MTRR: variants seen among roughly 807,000 people sequenced by gnomAD.
MTRR encodes 5-methyltetrahydrofolate-homocysteine methyltransferase reductase, also known as methionine synthase reductase.
A neutral mutation model predicts 79.2 loss-of-function variants in MTRR; 63 were observed. The ratio of observed to expected loss-of-function variants is 0.80; its 90% CI spans 0.65 to 0.98. MTRR has a LOEUF of 0.98. MTRR is among the 50% of genes least tolerant of loss of function. The pLI, the probability that MTRR is intolerant of heterozygous loss-of-function variation, is 0.00. For missense variants in MTRR, 895 were observed against 839.6 expected (o/e 1.07, Z -0.82); for synonymous variants, 355 against 313.3 (o/e 1.13, Z -1.41).
upstream of MTRR, among the ~76,000 whole-genome samples, chr5:7,866,428 G>A (rs1746954046): frequency 6.6e-6 from 1 of 152,040 alleles, no homozygotes; most frequent in South Asian, 2.1e-4. Flanking sequence ...CTCAGATAAG[G>A]CAAAAGTCAG....
chr5:7,896,125 T>C (rs1165708881), intron 12 of MTRR, among the ~76,000 whole-genome samples: 2 of 152,216 alleles, frequency 1.3e-5, no homozygotes, highest in Non-Finnish European at 2.9e-5. Context: ...GGACAAATAT[T>C]GGGCATACCT....
At chr5:7,878,754 T>C (rs1735009207) in intron 5 of MTRR, among the ~76,000 whole-genome samples, 1 of 152,242 alleles carries the variant, frequency 6.6e-6, no homozygotes, top group Non-Finnish European at 1.5e-5. Context: ...GGGCAGTGAG[T>C]TGAGTATCAC....
chr5:7,898,434 CT>C (rs34411979), intron 14 of MTRR, among the ~76,000 whole-genome samples: 137,983 of 152,190 alleles, frequency 0.91, 62,862 homozygotes, highest in African/African-American at 0.98. Context: ...TGGTGCTTTA[CT>C]TTGTCACATT....
intron 2 of MTRR, among the ~76,000 whole-genome samples, chr5:7,862,533 T>G (rs760870354): frequency 2.0e-5 from 3 of 152,134 alleles, no homozygotes; most frequent in Admixed American, 1.3e-4. Context: ...ATTTAGACCT[T>G]AAGTAAGTCT....
upstream of MTRR, chr5:7,867,478 T>C (rs781232084): frequency 6.2e-7 from 1 of 1,614,240 alleles, no homozygotes; most frequent in Admixed American, 1.7e-5. Context: ...TTTGGCATTC[T>C]GCCACCAGGT....
chr5:7,893,053 G>C, intron 11 of MTRR, 140 bp downstream of exon 11: 1 of 1,003,732 alleles, frequency 1.0e-6, no homozygotes, highest in Non-Finnish European at 1.5e-6. Flanking sequence ...AATCTCTATT[G>C]CAAGAGCAGA....
At chr5:7,883,555 ACATATGCTGAGTTGTGTGGTGCTTG>A (rs1735937520) in intron 6 of MTRR, among the ~76,000 whole-genome samples, 1 of 151,096 alleles carries the variant, frequency 6.6e-6, no homozygotes, top group African/African-American at 2.4e-5. Flanking sequence ...GTGCTTGGTT[ACATATGCTGAGTTGTGTGGTGCTTG>A]GTTATGTATG....
chr5:7,896,803 A>C, intron 12 of MTRR, 61 bp from the exon 13 acceptor site: 1 of 1,317,546 alleles, frequency 7.6e-7, no homozygotes, highest in South Asian at 1.2e-5. Flanking sequence ...TTCCTAATGA[A>C]AGAGATTGGT....
upstream of MTRR, chr5:7,867,884 G>A (rs753721111): frequency 2.5e-6 from 4 of 1,613,960 alleles, no homozygotes; most frequent in South Asian, 4.4e-5. Flanking sequence ...TCCATTTTTC[G>A]AATGAAACTT....
chr5:7,893,103 A>C (rs1319133882), intron 11 of MTRR, 190 bp downstream of exon 11: 1 of 653,338 alleles, frequency 1.5e-6, no homozygotes, highest in Non-Finnish European at 2.6e-6. Context: ...TAGTGTGTGT[A>C]TTTTCTGAAT....
In MTRR at chr5:7,862,819, T is replaced by G. The variant is rs201960576; in HGVS notation, n.498+762T>G. On this transcript the variant is annotated intron_variant and non_coding_transcript_variant, in intron 2 of 3. Transcript: ENST00000502509. ...AAAACAACAAAACTCCTTATACTAC[T>G]TACCTATTGTATAACAATAGGGTGT... 1.9e-6 allele frequency: 3 copies of G among 1,605,408 alleles called. No individual in the cohort carries two copies. Among genetic ancestry groups the G allele is most frequent in the African/African-American group, 1.3e-5 (1 of 74,562 alleles).
intron 1 of MTRR, chr5:7,861,549 C>A: frequency 1.3e-6 from 2 of 1,488,048 alleles, no homozygotes; most frequent in South Asian, 1.4e-5. Context: ...CTCAACGAGT[C>A]TTGTAATGTG....
At chr5:7,885,615 T>G in intron 6 of MTRR, 86 bp from the exon 7 acceptor site, 3 of 1,283,448 alleles carry the variant, frequency 2.3e-6, no homozygotes, top group South Asian at 1.3e-5. Context: ...ATCATAATAT[T>G]GAAAACTATA....
intron 2 of MTRR, among the ~76,000 whole-genome samples, chr5:7,872,643 C>T (rs1748182852): frequency 6.6e-6 from 1 of 152,174 alleles, no homozygotes; most frequent in Non-Finnish European, 1.5e-5. Context: ...GCCTTAGTGT[C>T]ACATGCAGTA....
In MTRR at chr5:7,899,921, A is replaced by G; in HGVS notation, c.1960A>G (p.Lys654Glu). ...NGHIYVCGDA[K>E]NMAKDVHDAL... ...TATTATTTTCTTTTCTAGAGATGCA[A>G]AGAATATGGCCAAGGATGTACATGA... is the stretch of plus-strand genomic sequence containing the variant. The change falls in exon 15 of 15, where the codon AAG becomes GAG. Residue 654 changes from lysine (K) to glutamate (E), a missense_variant. Transcript: ENST00000440940. The G allele has an allele frequency of 6.2e-7, 1 of 1,614,196 alleles. No individual in the cohort carries two copies. Among genetic ancestry groups the G allele is most frequent in the Non-Finnish European group, 8.5e-7 (1 of 1,180,030 alleles).
At chr5:7,880,047 T>A (rs541583383) in intron 5 of MTRR, among the ~76,000 whole-genome samples, 17 of 152,356 alleles carry the variant, frequency 1.1e-4, no homozygotes, top group East Asian at 7.7e-4. Context: ...TGCACTAGTG[T>A]GGCCTTCACT....
intron 7 of MTRR, 36 bp downstream of exon 7, chr5:7,885,890 G>A (rs1477438826): frequency 6.2e-7 from 1 of 1,613,700 alleles, no homozygotes; most frequent in Non-Finnish European, 8.5e-7. Context: ...GGGGTGTTGT[G>A]GGCCAGTGGA....
At chr5:7,890,921 A>G (rs1398328451) in intron 9 of MTRR, among the ~76,000 whole-genome samples, 1 of 152,078 alleles carries the variant, frequency 6.6e-6, no homozygotes, top group Admixed American at 6.5e-5. Flanking sequence ...AAGCATTTTC[A>G]GTAATTCTTG....
chr5:7,856,259 C>T (rs1746244567), intron 1 of MTRR, among the ~76,000 whole-genome samples: 1 of 152,180 alleles, frequency 6.6e-6, no homozygotes, highest in Non-Finnish European at 1.5e-5. Flanking sequence ...TGGCTCAGCT[C>T]ATATAGACAA....
Sources: gnomAD v4.1 joint callset for allele counts (sites outside exome capture counted in the v4.1 genomes callset) on GRCh38, gnomAD v4.1.1 for gene constraint, MANE v1.5 for transcripts, NCBI Gene and HGNC (gene_info 2026-07-23, HGNC 2026-07-21) for gene names.